CACNA2D2: variants seen among roughly 807,000 people sequenced by gnomAD.
CACNA2D2 encodes the protein calcium voltage-gated channel auxiliary subunit alpha2delta 2.
In CACNA2D2, 48 loss-of-function variants were observed where a neutral mutation model predicts 166.4. That is an observed-to-expected ratio of 0.29 (90% CI 0.23 to 0.37). The LOEUF (loss-of-function observed/expected upper bound fraction) is 0.37. Ranked by LOEUF, CACNA2D2 falls within the 10% of genes least tolerant of loss-of-function variation. The probability of loss-of-function intolerance (pLI) is 1.00; values close to 1 mark genes in which losing one functional copy is unlikely to be tolerated. For missense variants in CACNA2D2, 1,122 were observed against 1,433.0 expected (o/e 0.78, Z 3.50); for synonymous variants, 561 against 573.7 (o/e 0.98, Z 0.32).
At chr3:50,441,823 G>A (rs1295061278) in intron 2 of CACNA2D2, among the ~76,000 whole-genome samples, 2 of 152,248 alleles carry the variant, frequency 1.3e-5, no homozygotes, top group African/African-American at 4.8e-5. Context: ...AAAATGAGAG[G>A]TCCTTTCTCC....
chr3:50,408,423 G>A (rs1030404936), intron 3 of CACNA2D2, among the ~76,000 whole-genome samples: 4 of 152,344 alleles, frequency 2.6e-5, no homozygotes, highest in South Asian at 4.1e-4. Context: ...TGGTTGGCCC[G>A]GGGATGATGC....
At chr3:50,487,600 C>T (rs1401941237) in intron 1 of CACNA2D2, among the ~76,000 whole-genome samples, 1 of 152,158 alleles carries the variant, frequency 6.6e-6, no homozygotes, top group Non-Finnish European at 1.5e-5. Flanking sequence ...TTTAGCAAAG[C>T]AAATCCCCTC....
intron 2 of CACNA2D2, among the ~76,000 whole-genome samples, chr3:50,451,873 G>A (rs1330551824): frequency 6.6e-6 from 1 of 152,174 alleles, no homozygotes; most frequent in Admixed American, 6.5e-5. Context: ...GGTCCATTTT[G>A]CAGGTGGGAT....
intron 2 of CACNA2D2, among the ~76,000 whole-genome samples, chr3:50,442,966 T>A (rs1334523408): frequency 2.0e-5 from 3 of 152,000 alleles, no homozygotes; most frequent in South Asian, 2.1e-4. Flanking sequence ...AGGGCCCCCA[T>A]CCTCTCAATG....
Position 50,364,596 on chromosome 3 carries a change from T to TG in CACNA2D2, c.*69dup, listed in dbSNP as rs917774309. 1 of 1,402,332 alleles carries TG rather than the reference T, an allele frequency of 7.1e-7. No homozygotes were observed. Among genetic ancestry groups the TG allele is most frequent in the African/African-American group, 1.6e-5 (1 of 60,776 alleles). The allele number at this position is 1,402,332 out of a possible 1,614,324, so 86.9% of individuals were successfully genotyped here. ...GGACGAGGCTCTAAGGCGGGGAGTG[T>TG]GGGGCAGGAGGGTGGGAAAGGCGAA... On this transcript the variant is annotated 3_prime_UTR_variant, in exon 38 of 38. Coordinates refer to ENST00000424201, the MANE Select transcript of CACNA2D2 (RefSeq NM_006030.4).
chr3:50,487,313 A>G (rs886257626), intron 1 of CACNA2D2, among the ~76,000 whole-genome samples: 4 of 152,218 alleles, frequency 2.6e-5, no homozygotes, highest in South Asian at 2.1e-4. Context: ...CAAGCAAGCC[A>G]AAGCTGAGTG....
chr3:50,437,752 CAG>C (rs891617748), intron 2 of CACNA2D2, among the ~76,000 whole-genome samples: 4 of 152,134 alleles, frequency 2.6e-5, no homozygotes, highest in Non-Finnish European at 4.4e-5. Flanking sequence ...CTCCAGTGCA[CAG>C]ACTCTGCCCA....
chr3:50,488,545 T>C (rs565312804), intron 1 of CACNA2D2, among the ~76,000 whole-genome samples: 30 of 151,804 alleles, frequency 2.0e-4, no homozygotes, highest in Non-Finnish European at 3.4e-4. Context: ...ACAACAAACA[T>C]TAGAGGCTGG....
chr3:50,487,492 C>T (rs1698338255), intron 1 of CACNA2D2, among the ~76,000 whole-genome samples: 1 of 152,220 alleles, frequency 6.6e-6, no homozygotes, highest in Admixed American at 6.5e-5. Flanking sequence ...TGCCTGGACC[C>T]TTAGAGTGCG....
intron 6 of CACNA2D2, among the ~76,000 whole-genome samples, chr3:50,383,186 T>C (rs1216781616): frequency 6.6e-6 from 1 of 152,234 alleles, no homozygotes; most frequent in Non-Finnish European, 1.5e-5. Context: ...GCCCCTCGAC[T>C]GGCTCGGGCA....
chr3:50,450,173 T>G (rs1364634017), intron 2 of CACNA2D2, among the ~76,000 whole-genome samples: 2 of 152,192 alleles, frequency 1.3e-5, no homozygotes, highest in Non-Finnish European at 2.9e-5. Flanking sequence ...CAGCCCCACC[T>G]TCCATGCACA....
At chr3:50,399,197 C>A (rs1435305856) in intron 3 of CACNA2D2, among the ~76,000 whole-genome samples, 2 of 152,228 alleles carry the variant, frequency 1.3e-5, no homozygotes, top group African/African-American at 4.8e-5. Flanking sequence ...TCTCCTTGGC[C>A]TCCTCTCCTC....
At chr3:50,501,636 A>C (rs1698968149) in intron 1 of CACNA2D2, among the ~76,000 whole-genome samples, 1 of 152,208 alleles carries the variant, frequency 6.6e-6, no homozygotes. Context: ...AAAGGGAGTG[A>C]GGTCGGGAGA....
chr3:50,449,013 C>T (rs987801271), intron 2 of CACNA2D2, among the ~76,000 whole-genome samples: 5 of 152,324 alleles, frequency 3.3e-5, no homozygotes, highest in East Asian at 3.9e-4. Flanking sequence ...GGAAACATCA[C>T]GAAAACGACT....
At chr3:50,411,126 C>T (rs1706993793) in intron 3 of CACNA2D2, among the ~76,000 whole-genome samples, 1 of 152,186 alleles carries the variant, frequency 6.6e-6, no homozygotes, top group Admixed American at 6.5e-5. Flanking sequence ...CACCACCTGC[C>T]CACTCATGCC....
intron 3 of CACNA2D2, among the ~76,000 whole-genome samples, chr3:50,421,202 A>G (rs994819733): frequency 6.6e-6 from 1 of 152,256 alleles, no homozygotes; most frequent in African/African-American, 2.4e-5. Context: ...TTTCCTGGGA[A>G]AAGAAAAACG....
At chr3:50,477,015 C>T (rs960283994) in intron 1 of CACNA2D2, among the ~76,000 whole-genome samples, 1 of 151,544 alleles carries the variant, frequency 6.6e-6, no homozygotes, top group Non-Finnish European at 1.5e-5. Flanking sequence ...CTGCAAGCTC[C>T]GCCTCCAGGG....
chr3:50,370,466 G>A, intron 22 of CACNA2D2, 86 bp from the exon 23 acceptor site: 1 of 584,324 alleles, frequency 1.7e-6, no homozygotes, highest in South Asian at 1.9e-5. Context: ...GGAAGGACAG[G>A]GGAGAGGGGG....
chr3:50,482,155 G>C (rs1051275489), intron 1 of CACNA2D2, among the ~76,000 whole-genome samples: 7 of 152,308 alleles, frequency 4.6e-5, no homozygotes, highest in African/African-American at 1.4e-4. Context: ...CCTGGAGAAG[G>C]CGTGCTTCCC....
Sources: allele counts gnomAD v4.1 joint callset (sites outside exome capture counted in the v4.1 genomes callset), GRCh38; gene constraint gnomAD v4.1.1; transcripts MANE v1.5; gene names NCBI Gene and HGNC (gene_info 2026-07-23, HGNC 2026-07-21).